ADGRB3: variants seen among roughly 807,000 people sequenced by gnomAD.
The protein encoded by ADGRB3 is brain-specific angiogenesis inhibitor 3.
ADGRB3 carries 37 observed loss-of-function variants against 193.4 expected under a neutral mutation model. That is an observed-to-expected ratio of 0.19 (90% CI 0.15 to 0.25). The LOEUF (loss-of-function observed/expected upper bound fraction) is 0.25. Ranked by LOEUF, ADGRB3 falls within the 10% of genes least tolerant of loss-of-function variation. ADGRB3 has a pLI of 1.00. For missense variants in ADGRB3, 1,637 were observed against 1,852.9 expected (o/e 0.88, Z 2.14); for synonymous variants, 690 against 644.2 (o/e 1.07, Z -1.08).
At chr6:68,783,526 G>A (rs1038410755) in intron 3 of ADGRB3, among the ~76,000 whole-genome samples, 1 of 151,548 alleles carries the variant, frequency 6.6e-6, no homozygotes, top group African/African-American at 2.4e-5. Flanking sequence ...AGGGCATAAG[G>A]GCAGAATATC....
intron 3 of ADGRB3, among the ~76,000 whole-genome samples, chr6:68,763,961 T>C (rs1379327219): frequency 6.6e-6 from 1 of 152,102 alleles, no homozygotes; most frequent in Non-Finnish European, 1.5e-5. Flanking sequence ...TAGTCCCAGC[T>C]ACTCAGGAGG....
chr6:69,172,643 C>CAAAAAAAAAAAAAAAAAA (rs70987454), intron 17 of ADGRB3, among the ~76,000 whole-genome samples: 25 of 26,826 alleles, frequency 9.3e-4, no homozygotes, highest in Non-Finnish European at 1.3e-3. Flanking sequence ...GACTCTGTCT[C>CAAAAAAAAAAAAAAAAAA]AAAAAAAAAA....
At chr6:69,386,683 C>T (rs908416299) in intron 31 of ADGRB3, among the ~76,000 whole-genome samples, 2 of 152,038 alleles carry the variant, frequency 1.3e-5, no homozygotes, top group African/African-American at 4.8e-5. Flanking sequence ...ATGGCTTTCC[C>T]GTCTCCGTGT....
intron 6 of ADGRB3, among the ~76,000 whole-genome samples, 171 bp from the exon 7 acceptor site, chr6:68,955,843 GAAAATAAGGT>G (rs995121900): frequency 1.3e-4 from 20 of 152,148 alleles, no homozygotes; most frequent in African/African-American, 3.9e-4. Flanking sequence ...ATAAAAGTGG[GAAAATAAGGT>G]AATAATATTT....
intron 20 of ADGRB3, among the ~76,000 whole-genome samples, chr6:69,274,942 G>A (rs1767269797): frequency 6.6e-6 from 1 of 152,070 alleles, no homozygotes; most frequent in South Asian, 2.1e-4. Context: ...CCTCATCCCT[G>A]TTTAGGATTT....
chr6:68,999,511 G>A lies in ADGRB3; in HGVS notation c.1929+5549G>A, dbSNP rs572574522. 1.4e-4 allele frequency among the ~76,000 whole-genome samples: 22 copies of A among 152,142 alleles called. No individual in the cohort carries two copies. In the East Asian group the frequency reaches 2.3e-3, roughly 16 times the overall value. On this transcript the variant is annotated intron_variant, in intron 11 of 31. Coordinates refer to ENST00000370598, the MANE Select transcript of ADGRB3 (RefSeq NM_001704.3). ...CATCTCCTGACCTCGTGATCTGCCC[G>A]CCTCAACCTCCCAAAGTTCTGGGAT...
chr6:68,728,658 A>G (rs918481508), intron 3 of ADGRB3, among the ~76,000 whole-genome samples: 1 of 151,504 alleles, frequency 6.6e-6, no homozygotes, highest in African/African-American at 2.4e-5. Context: ...TATTTCATTC[A>G]TCCTGATAAC....
intron 20 of ADGRB3, among the ~76,000 whole-genome samples, chr6:69,249,959 G>T (rs1237658345): frequency 1.3e-5 from 2 of 152,124 alleles, no homozygotes; most frequent in Non-Finnish European, 2.9e-5. Context: ...GGCTGCTAGT[G>T]GATTGAATCA....
At chr6:69,169,440 A>G (rs923248735) in intron 17 of ADGRB3, among the ~76,000 whole-genome samples, 4 of 151,482 alleles carry the variant, frequency 2.6e-5, no homozygotes, top group African/African-American at 9.7e-5. Flanking sequence ...AGTTACAATG[A>G]GTAACTAATG....
chr6:69,326,371 G>C (rs1300728632), intron 21 of ADGRB3, among the ~76,000 whole-genome samples: 4 of 152,130 alleles, frequency 2.6e-5, no homozygotes, highest in African/African-American at 9.7e-5. Context: ...CCATGAATTA[G>C]TACCATTCTA....
chr6:69,260,689 G>C (rs529104334), intron 20 of ADGRB3, among the ~76,000 whole-genome samples: 1 of 152,122 alleles, frequency 6.6e-6, no homozygotes, highest in Admixed American at 6.6e-5. Context: ...ACCATCTTTA[G>C]TTCCCATATA....
At chr6:68,772,395 T>C (rs1032218009) in intron 3 of ADGRB3, among the ~76,000 whole-genome samples, 1 of 152,130 alleles carries the variant, frequency 6.6e-6, no homozygotes, top group Non-Finnish European at 1.5e-5. Flanking sequence ...GAGGTATTCA[T>C]AGGACTCTGC....
chr6:69,319,612 A>C (rs550687005), intron 20 of ADGRB3, among the ~76,000 whole-genome samples: 16 of 151,424 alleles, frequency 1.1e-4, no homozygotes, highest in African/African-American at 3.9e-4. Flanking sequence ...TACTTTGAAA[A>C]ATTATTATTG....
At chr6:69,079,605 GT>G (rs1420639492) in intron 17 of ADGRB3, among the ~76,000 whole-genome samples, 1 of 151,986 alleles carries the variant, frequency 6.6e-6, no homozygotes, top group Admixed American at 6.6e-5. Flanking sequence ...GAAATAAAGG[GT>G]ATGCGACTAG....
intron 3 of ADGRB3, among the ~76,000 whole-genome samples, chr6:68,745,912 T>G (rs1484202736): frequency 6.6e-6 from 1 of 152,046 alleles, no homozygotes; most frequent in Admixed American, 6.6e-5. Context: ...CTGTTGATGA[T>G]GATAACTTTA....
chr6:68,840,441 A>G, intron 3 of ADGRB3, among the ~76,000 whole-genome samples: 1 of 118,376 alleles, frequency 8.4e-6, no homozygotes, highest in East Asian at 2.9e-4. Flanking sequence ...CCTAGGCTGG[A>G]GTGCAGTGGC....
intron 3 of ADGRB3, among the ~76,000 whole-genome samples, chr6:68,848,090 A>C (rs2127389832): frequency 6.6e-6 from 1 of 151,984 alleles, no homozygotes; most frequent in Admixed American, 6.6e-5. Flanking sequence ...TAAAATTAAA[A>C]TCAGTCACTT....
chr6:69,120,847 T>C (rs906136429), intron 17 of ADGRB3, among the ~76,000 whole-genome samples: 21 of 152,212 alleles, frequency 1.4e-4, no homozygotes, highest in Non-Finnish European at 3.1e-4. Context: ...TTGATGGTAC[T>C]ATGTGTGTGA....
chr6:69,040,675 CAAAAAAAAAAAAAAAAAAAA>C (rs869146684), intron 13 of ADGRB3, among the ~76,000 whole-genome samples: 2 of 19,518 alleles, frequency 1.0e-4, no homozygotes, highest in African/African-American at 2.2e-4. Context: ...GACTGATGGA[CAAAAAAAAAAAAAAAAAAAA>C]AAAAAAAAAA....
Sources: gnomAD v4.1 joint callset for allele counts (sites outside exome capture counted in the v4.1 genomes callset) on GRCh38, gnomAD v4.1.1 for gene constraint, MANE v1.5 for transcripts, NCBI Gene and HGNC (gene_info 2026-07-23, HGNC 2026-07-21) for gene names.